Variants in KIF5C observed in about 807,000 individuals in gnomAD.
KIF5C encodes the protein kinesin family member 5C.
In KIF5C, 18 loss-of-function variants were observed where a neutral mutation model predicts 125.2. That is an observed-to-expected ratio of 0.14 (90% CI 0.10 to 0.21). The LOEUF (loss-of-function observed/expected upper bound fraction) is 0.21. Among genes scored for constraint, KIF5C ranks in the 10% least tolerant of loss-of-function variants. The pLI is 1.00. For synonymous variants in KIF5C, 405 were observed against 434.0 expected (o/e 0.93, Z 0.83); for missense variants, 780 against 1,183.8 (o/e 0.66, Z 5.01).
In KIF5C at chr2:148,875,587, T is replaced by TCCCCCCGCCCCCCCCCCCCCC; in HGVS notation, c.-27_-26insCCGCCCCCCCCCCCCCCCCCC. 2.7e-6 allele frequency: 1 copy of TCCCCCCGCCCCCCCCCCCCCC among 366,938 alleles called. No individual in the cohort carries two copies. The highest frequency in any genetic ancestry group is 5.0e-6 in the Non-Finnish European group (1 of 201,710). 22.7% of individuals were successfully genotyped at this position (366,938 alleles called of 1,614,324 possible). A position where few individuals can be genotyped will look rare whatever the true frequency, so the allele number is the denominator to read the frequency against. On this transcript the variant is annotated 5_prime_UTR_variant, in exon 1 of 26. Transcript: ENST00000435030. ...GTTCCCGGCCCCGGCCCCCCACCCA[T>TCCCCCCGCCCCCCCCCCCCCC]CCCCGTGCCCCCTCCCTACCGCCGG...
At chr2:148,999,180 A>C (rs962267778) in intron 19 of KIF5C, among the ~76,000 whole-genome samples, 1 of 152,240 alleles carries the variant, frequency 6.6e-6, no homozygotes, top group African/African-American at 2.4e-5. Flanking sequence ...TAATGTTTTC[A>C]AATGCTCTGC....
chr2:148,878,699 A>G (rs1321007573), intron 1 of KIF5C: 1 of 152,224 alleles, frequency 6.6e-6, no homozygotes, highest in Non-Finnish European at 1.5e-5. Context: ...TCCCAAGTCA[A>G]TTCAGTTGGA....
At chr2:149,009,954 C>T (rs564541242) in intron 23 of KIF5C, among the ~76,000 whole-genome samples, 181 bp from the exon 24 acceptor site, 2 of 152,302 alleles carry the variant, frequency 1.3e-5, no homozygotes, top group East Asian at 1.9e-4. Context: ...CTGTGAATCA[C>T]GTGTTCAGGA....
At chr2:148,942,470 G>A (rs776151705) in intron 6 of KIF5C, among the ~76,000 whole-genome samples, 15 of 152,026 alleles carry the variant, frequency 9.9e-5, no homozygotes, top group African/African-American at 2.9e-4. Flanking sequence ...TTTGGTTTAC[G>A]TCTATATTTC....
In KIF5C at chr2:148,924,904, G is replaced by A. The variant is rs1323704957; in HGVS notation, c.217+2677G>A. Among the ~76,000 whole-genome samples, 4 of 152,170 alleles carry A rather than the reference G, an allele frequency of 2.6e-5. No homozygotes were observed. The highest frequency in any genetic ancestry group is 1.9e-4 in the East Asian group (1 of 5,196). ...CTGTAAGTAGTAATAAGTACTTACC[G>A]TGGGGTAAGCAGTGCTGGGACTGGA... On this transcript the variant is annotated intron_variant, in intron 2 of 25. Coordinates refer to ENST00000435030, the MANE Select transcript of KIF5C (RefSeq NM_004522.3). This position sits in a 1 kb window ranked among gnomAD's most constrained non-coding sequence, Gnocchi z 4.0.
At chr2:149,009,428 A>T (rs1206315076) in intron 23 of KIF5C, among the ~76,000 whole-genome samples, 1 of 152,200 alleles carries the variant, frequency 6.6e-6, no homozygotes, top group African/African-American at 2.4e-5. Flanking sequence ...TGTGATTTTC[A>T]AAACTCCCTC....
chr2:148,968,374 G>A (rs1680805224), intron 11 of KIF5C, among the ~76,000 whole-genome samples: 1 of 152,136 alleles, frequency 6.6e-6, no homozygotes, highest in Non-Finnish European at 1.5e-5. Context: ...AGTCTGATTT[G>A]GGGCTTTGTG....
chr2:149,016,659 G>A (rs1344944589), intron 25 of KIF5C, among the ~76,000 whole-genome samples: 1 of 152,192 alleles, frequency 6.6e-6, no homozygotes, highest in Non-Finnish European at 1.5e-5. Flanking sequence ...CTTATGTGCT[G>A]CCTCTCAGAC....
intron 1 of KIF5C, among the ~76,000 whole-genome samples, chr2:148,893,481 A>C (rs1574696905): frequency 6.6e-6 from 1 of 152,036 alleles, no homozygotes; most frequent in African/African-American, 2.4e-5. Context: ...TGTGTCCTAA[A>C]CTCAGTCTGC....
chr2:148,951,650 G>C (rs1159874349), intron 10 of KIF5C, among the ~76,000 whole-genome samples: 1 of 152,170 alleles, frequency 6.6e-6, no homozygotes, highest in African/African-American at 2.4e-5. Context: ...GAGGGCTGAG[G>C]TTGGATGTGG....
At chr2:148,959,553 G>A (rs1006702925) in intron 10 of KIF5C, among the ~76,000 whole-genome samples, 4 of 152,034 alleles carry the variant, frequency 2.6e-5, no homozygotes, top group Admixed American at 6.6e-5. Context: ...TGAAGGCCCC[G>A]CTTGCCCCAT....
chr2:148,908,518 G>A (rs1050711788), intron 1 of KIF5C, among the ~76,000 whole-genome samples: 2 of 152,134 alleles, frequency 1.3e-5, no homozygotes, highest in African/African-American at 4.8e-5. Context: ...GTAGGAGAGG[G>A]GTTATGGACA....
chr2:148,998,754 G>T (rs925703874), intron 19 of KIF5C: 19 of 516,296 alleles, frequency 3.7e-5, no homozygotes, highest in Non-Finnish European at 5.7e-5. Flanking sequence ...GTCCCCGAGG[G>T]CCAGGGTCAC....
intron 3 of KIF5C, among the ~76,000 whole-genome samples, chr2:148,932,179 T>C (rs1248785480): frequency 6.6e-6 from 1 of 152,202 alleles, no homozygotes; most frequent in Non-Finnish European, 1.5e-5. Flanking sequence ...CTGCATTCTC[T>C]GAAAGGAGGA....
intron 10 of KIF5C, among the ~76,000 whole-genome samples, chr2:148,953,858 A>C (rs1682727770): frequency 6.6e-6 from 1 of 152,070 alleles, no homozygotes; most frequent in Non-Finnish European, 1.5e-5. Flanking sequence ...TAAAGGGAAA[A>C]ATTTACCATG....
Position 148,973,530 on chromosome 2 carries a change from A to G in KIF5C, c.1293+19A>G, listed in dbSNP as rs1251965267. 5.0e-6 allele frequency: 8 copies of G among 1,591,328 alleles called. No individual in the cohort carries two copies. Among genetic ancestry groups the G allele is most frequent in the East Asian group, 2.3e-5 (1 of 44,392 alleles). ...TGACAAGGTCTGTGGCCAGAGATTCATAGTTCTCATTCTGCTACAAAGATG... is the reference window on the plus strand; with the variant it reads ...TGACAAGGTCTGTGGCCAGAGATTCGTAGTTCTCATTCTGCTACAAAGATG... On this transcript the variant is annotated intron_variant, in intron 12 of 25. Transcript: ENST00000435030.
chr2:148,957,298 A>G (rs1346376068), intron 10 of KIF5C, among the ~76,000 whole-genome samples: 1 of 152,260 alleles, frequency 6.6e-6, no homozygotes, highest in African/African-American at 2.4e-5. Context: ...GATGGCAACT[A>G]GCTAGATATT....
chr2:148,927,428 C>T (rs1682045920), intron 2 of KIF5C, among the ~76,000 whole-genome samples: 1 of 151,812 alleles, frequency 6.6e-6, no homozygotes, highest in Non-Finnish European at 1.5e-5. Flanking sequence ...ACACCTAGGC[C>T]GGTGGGTTCC....
intron 15 of KIF5C, among the ~76,000 whole-genome samples, chr2:148,984,191 C>G (rs1295474639): frequency 1.3e-5 from 2 of 152,170 alleles, no homozygotes; most frequent in South Asian, 4.1e-4. Context: ...AGGATTCTAA[C>G]AGTGGCTTAA....
Sources: gnomAD v4.1 joint callset for allele counts (sites outside exome capture counted in the v4.1 genomes callset) on GRCh38, gnomAD v4.1.1 for gene constraint, Gnocchi (gnomAD v3.1) non-coding constraint, MANE v1.5 for transcripts, NCBI Gene and HGNC (gene_info 2026-07-23, HGNC 2026-07-21) for gene names.